The following VWDE variants were observed in gnomAD, a reference collection of about 807,000 sequenced individuals.
VWDE encodes the protein von Willebrand factor D and EGF domain-containing protein.
A neutral mutation model predicts 178.4 loss-of-function variants in VWDE; 207 were observed. The ratio of observed to expected loss-of-function variants is 1.16; its 90% CI spans 1.04 to 1.30. VWDE has a LOEUF of 1.30. Among genes scored for constraint, VWDE ranks in the 50% most tolerant of loss-of-function variants. The probability of loss-of-function intolerance (pLI) is 0.00; values close to 1 mark genes in which losing one functional copy is unlikely to be tolerated. For missense variants in VWDE, 2,287 were observed against 1,901.3 expected (o/e 1.20, Z -3.77); for synonymous variants, 738 against 651.4 (o/e 1.13, Z -2.02).
chr7:12,348,789 T>A (rs78578062), intron 19 of VWDE, among the ~76,000 whole-genome samples: 12 of 149,654 alleles, frequency 8.0e-5, no homozygotes, highest in Admixed American at 6.0e-4. Context: ...ATGTTTATTG[T>A]GGCATTATTC....
intron 13 of VWDE, among the ~76,000 whole-genome samples, chr7:12,363,746 T>C (rs1437205533): frequency 6.6e-6 from 1 of 152,034 alleles, no homozygotes; most frequent in Non-Finnish European, 1.5e-5. Flanking sequence ...CATACCTTTG[T>C]ATAGCTTCAA....
intron 19 of VWDE, among the ~76,000 whole-genome samples, chr7:12,346,498 T>C (rs1781605448): frequency 6.6e-6 from 1 of 152,042 alleles, no homozygotes; most frequent in African/African-American, 2.4e-5. Flanking sequence ...CTATTTTATA[T>C]GAGAGGCAAA....
At chr7:12,352,712 G>A (rs1295076513) in intron 18 of VWDE, among the ~76,000 whole-genome samples, 1 of 152,132 alleles carries the variant, frequency 6.6e-6, no homozygotes, top group African/African-American at 2.4e-5. Context: ...CTGTGGGGCT[G>A]GGCAGGCTCA....
Position 12,365,079 on chromosome 7 carries a change from T to G in VWDE, c.2898+2278A>C, listed in dbSNP as rs185778116. Among the ~76,000 whole-genome samples the G allele has an allele frequency of 2.6e-3, 392 of 152,158 alleles. 1 individual carries two copies. The highest frequency in any genetic ancestry group is 4.5e-3 in the Non-Finnish European group (307 of 67,986). ...GAAGAAAGATGGAGCACCGTCACAA[T>G]ATTCAAAAGAGCCAAGTGTGCAAAA... On this transcript the variant is annotated intron_variant, in intron 13 of 28. Coordinates refer to ENST00000275358, the MANE Select transcript of VWDE (RefSeq NM_001135924.3).
intron 19 of VWDE, among the ~76,000 whole-genome samples, chr7:12,348,225 G>C (rs985454997): frequency 3.4e-5 from 5 of 146,112 alleles, no homozygotes; most frequent in African/African-American, 1.0e-4. Flanking sequence ...ATTGACAAAT[G>C]GGATCTAATT....
Position 12,344,452 on chromosome 7 carries a change from A to G in VWDE, c.3904T>C (p.Cys1302Arg). 1.9e-6 allele frequency: 3 copies of G among 1,550,224 alleles called. No individual in the cohort carries two copies. The highest frequency in any genetic ancestry group is 2.6e-6 in the Non-Finnish European group (3 of 1,146,314). ...GNAFTICKYP[C>R]GKSRECVAPN... Reference sequence around the variant, plus strand: ...GCAACACACTCCCTACTTTTTCCACATGGATATTTACAAATGGCTAAAAAA... The same window carrying G: ...GCAACACACTCCCTACTTTTTCCACGTGGATATTTACAAATGGCTAAAAAA... Residue 1302 changes from cysteine to arginine, a missense_variant, in exon 20 of 29, where the codon TGT becomes CGT. By Grantham distance (180) the Cys-to-Arg change is radical. Transcript: ENST00000275358.
intron 12 of VWDE, among the ~76,000 whole-genome samples, chr7:12,368,578 A>G (rs1169620428): frequency 6.6e-6 from 1 of 152,122 alleles, no homozygotes; most frequent in Non-Finnish European, 1.5e-5. Context: ...TGCTAGATGA[A>G]TTCAGTGAGA....
chr7:12,360,625 C>T (rs976235416), intron 15 of VWDE, among the ~76,000 whole-genome samples: 6 of 152,046 alleles, frequency 3.9e-5, no homozygotes, highest in Non-Finnish European at 7.4e-5. Flanking sequence ...CTGATAAATA[C>T]GGAAGGCTGG....
rs139888534 is a variant in VWDE, at chr7:12,371,836, A to T, written c.1588-972T>A. ...ATCATTATATTTAGAGTTTTAGTTAAACCTGTTTATTGATCACCACTTAAC... is the reference window on the plus strand; with the variant it reads ...ATCATTATATTTAGAGTTTTAGTTATACCTGTTTATTGATCACCACTTAAC... On this transcript the variant is annotated intron_variant, in intron 10 of 28. Coordinates refer to ENST00000275358, the MANE Select transcript of VWDE (RefSeq NM_001135924.3). Among the ~76,000 whole-genome samples, 1,423 of 152,188 alleles carry T rather than the reference A, an allele frequency of 9.4e-3. 25 individuals carry two copies. Among genetic ancestry groups the T allele is most frequent in the African/African-American group, 0.032 (1,312 of 41,534 alleles).
intron 2 of VWDE, among the ~76,000 whole-genome samples, chr7:12,390,308 G>C (rs1330934870): frequency 1.3e-5 from 2 of 151,980 alleles, no homozygotes; most frequent in Non-Finnish European, 2.9e-5. Flanking sequence ...GAAGAACCAG[G>C]GCCCTTACTA....
chr7:12,396,560 T>G (rs939942716), intron 1 of VWDE, among the ~76,000 whole-genome samples: 3 of 152,204 alleles, frequency 2.0e-5, no homozygotes, highest in Non-Finnish European at 2.9e-5. Context: ...ATTTAGTTTC[T>G]GACATTCAAA....
intron 4 of VWDE, among the ~76,000 whole-genome samples, chr7:12,381,741 G>C (rs1783862937): frequency 6.6e-6 from 1 of 151,704 alleles, no homozygotes; most frequent in Non-Finnish European, 1.5e-5. Flanking sequence ...ATATATATTT[G>C]ATTTTAAATA....
At chr7:12,376,367 T>TCCCTC (rs1326819934) in intron 7 of VWDE, among the ~76,000 whole-genome samples, 5 of 152,030 alleles carry the variant, frequency 3.3e-5, no homozygotes, top group Non-Finnish European at 5.9e-5. Flanking sequence ...AGATGAGGGG[T>TCCCTC]ATCCAGAATG....
At chr7:12,400,937 T>C (rs931107732) in intron 1 of VWDE, among the ~76,000 whole-genome samples, 5 of 152,106 alleles carry the variant, frequency 3.3e-5, no homozygotes, top group African/African-American at 4.8e-5. Context: ...ATAAACCACA[T>C]AGATAGCATA....
chr7:12,384,060 T>G (rs1783982842), intron 3 of VWDE, among the ~76,000 whole-genome samples: 1 of 152,170 alleles, frequency 6.6e-6, no homozygotes, highest in Middle Eastern at 3.2e-3. Context: ...CATGGAAGTT[T>G]ATAGCAACTT....
intron 3 of VWDE, 99 bp downstream of exon 3, chr7:12,389,028 A>G (rs1784240975): frequency 2.3e-6 from 2 of 873,644 alleles, no homozygotes; most frequent in South Asian, 1.4e-5. Flanking sequence ...TGAGTATCTT[A>G]CTGAGATTTG....
chr7:12,337,261 G>T lies in VWDE; in HGVS notation c.4378C>A (p.Pro1460Thr). Residue 1460 changes from proline (P) to threonine (T), a missense_variant, in exon 25 of 29, where the codon CCT (proline) becomes ACT (threonine). Physicochemically the swap from Pro to Thr is conservative, Grantham distance 38 (BLOSUM62 -1). Coordinates refer to ENST00000275358, the MANE Select transcript of VWDE (RefSeq NM_001135924.3). ...GEHCQNAFCHPPCKNGGHCMR... is the reference protein window; with the variant it reads ...GEHCQNAFCHTPCKNGGHCMR... ...CAGTGGCCACCATTCTTACAGGGAG[G>T]GTGACAGAAAGCTAAAAGAACACAT... 1 of 1,551,700 alleles carries T rather than the reference G, an allele frequency of 6.4e-7. No homozygotes were observed. The highest frequency in any genetic ancestry group is 8.7e-7 in the Non-Finnish European group (1 of 1,146,966).
chr7:12,375,082 G>A lies in VWDE; in HGVS notation c.1170C>T (p.Val390=), dbSNP rs1420368138. The change falls in exon 8 of 29, where the codon GTC becomes GTT. Residue 390 remains valine (V), a synonymous_variant. Transcript: ENST00000275358. ...VTDFSRDGDR[V]SNIVVQPIVN... ...CTATTGGTTGCACTACAATGTTTGA[G>A]ACTCTATCTCCATCTCGAGAAAAAT... is the stretch of plus-strand genomic sequence containing the variant. 6.4e-7 allele frequency: 1 copy of A among 1,551,194 alleles called. No homozygotes were observed. The highest frequency in any genetic ancestry group is 8.7e-7 in the Non-Finnish European group (1 of 1,146,728).
chr7:12,402,030 T>G (rs1784921094), intron 1 of VWDE, among the ~76,000 whole-genome samples: 1 of 152,176 alleles, frequency 6.6e-6, no homozygotes, highest in Admixed American at 6.5e-5. Flanking sequence ...CTAGATGAAG[T>G]AAGCCAGTCA....
Sources: allele counts gnomAD v4.1 joint callset (sites outside exome capture counted in the v4.1 genomes callset), GRCh38; gene constraint gnomAD v4.1.1; transcripts MANE v1.5; gene names NCBI Gene and HGNC (gene_info 2026-07-23, HGNC 2026-07-21).